Variants in FRMPD4 observed in about 807,000 individuals in gnomAD.
The protein encoded by FRMPD4 is FERM and PDZ domain containing 4.
FRMPD4 carries 22 observed loss-of-function variants against 94.1 expected under a neutral mutation model. That is an observed-to-expected ratio of 0.23 (90% CI 0.17 to 0.33). The LOEUF is 0.33. Ranked by LOEUF, FRMPD4 falls within the 10% of genes least tolerant of loss-of-function variation. The probability of loss-of-function intolerance (pLI) is 1.00; values close to 1 mark genes in which losing one functional copy is unlikely to be tolerated. For synonymous variants in FRMPD4, 631 were observed against 548.6 expected (o/e 1.15, Z -2.10); for missense variants, 1,111 against 1,339.9 (o/e 0.83, Z 2.67).
intron 2 of FRMPD4, among the ~76,000 whole-genome samples, chrX:12,591,761 T>A (rs1456449855): frequency 8.9e-6 from 1 of 111,775 alleles, no homozygotes; most frequent in Non-Finnish European, 1.9e-5. Flanking sequence ...ATCTACTGAT[T>A]ACTTACTCTG....
chrX:12,555,151 C>T (rs971308233), intron 2 of FRMPD4, among the ~76,000 whole-genome samples: 30 of 110,525 alleles, frequency 2.7e-4, no homozygotes, highest in African/African-American at 9.6e-4. Context: ...TCTGCTTGTC[C>T]TCTTAGTTTG....
At chrX:12,554,496 C>T (rs1422221734) in intron 2 of FRMPD4, among the ~76,000 whole-genome samples, 1 of 112,183 alleles carries the variant, frequency 8.9e-6, no homozygotes, top group Non-Finnish European at 1.9e-5. Context: ...TAAAATACCA[C>T]CTAGATTAAA....
chrX:12,025,013 C>T (rs1175228596), intron 3 of FRMPD4, among the ~76,000 whole-genome samples: 1 of 110,316 alleles, frequency 9.1e-6, no homozygotes, highest in Non-Finnish European at 1.9e-5. Context: ...TGCCTCTCTG[C>T]AACATTTGCC....
At chrX:12,564,315 G>T (rs758944339) in intron 2 of FRMPD4, among the ~76,000 whole-genome samples, 80 of 112,400 alleles carry the variant, frequency 7.1e-4, no homozygotes, top group Middle Eastern at 4.6e-3. Context: ...ACTGGAATAG[G>T]TATGCCGCTT....
intron 1 of FRMPD4, among the ~76,000 whole-genome samples, chrX:12,358,116 A>G (rs750505298): frequency 1.8e-4 from 20 of 112,077 alleles, no homozygotes; most frequent in Non-Finnish European, 3.2e-4. Flanking sequence ...GATATCCCAC[A>G]ATTTGTTGAT....
chrX:12,412,799 G>T (rs1172782288), intron 1 of FRMPD4, among the ~76,000 whole-genome samples: 1 of 112,156 alleles, frequency 8.9e-6, no homozygotes, highest in Admixed American at 9.4e-5. Context: ...TGATTTCTCA[G>T]TCTGAGCCTT....
chrX:12,715,018 C>T (rs779249311), intron 14 of FRMPD4, among the ~76,000 whole-genome samples: 1 of 112,225 alleles, frequency 8.9e-6, no homozygotes, highest in African/African-American at 3.2e-5. Context: ...ACTTTTTTCC[C>T]ATATGTCTTG....
chrX:12,720,878 G>C lies in FRMPD4; in HGVS notation c.4309G>C (p.Glu1437Gln). Reference sequence around the variant, plus strand: ...GTGTCCAGGCATCACAGAAGCACAGGAGGCCAGTTCTGAAAGGCGAGCAGA... The same window carrying C: ...GTGTCCAGGCATCACAGAAGCACAGCAGGCCAGTTCTGAAAGGCGAGCAGA... ...LKCPGITEAQ[E>Q]ASSERRAELP... Residue 1437 changes from glutamate (E) to glutamine (Q), a missense_variant, in exon 17 of 17, where the codon GAG (glutamate) becomes CAG (glutamine). Coordinates refer to ENST00000675598, the MANE Select transcript of FRMPD4 (RefSeq NM_001368397.1). The C allele has an allele frequency of 1.2e-6, 1 of 860,165 alleles. No individual in the cohort carries two copies. The highest frequency in any genetic ancestry group is 1.4e-6 in the Non-Finnish European group (1 of 705,463). 70.9% of individuals were successfully genotyped at this position (860,165 alleles called of 1,213,427 possible). A position where few individuals can be genotyped will look rare whatever the true frequency, so the allele number is the denominator to read the frequency against.
At chrX:12,715,998 G>GCCGGGGCC in intron 14 of FRMPD4, 71 bp from the exon 15 acceptor site, 3 of 383,858 alleles carry the variant, frequency 7.8e-6, no homozygotes, top group East Asian at 4.2e-5. Flanking sequence ...ACAGAGACGA[G>GCCGGGGCC]CCTCCCACCC....
intron 1 of FRMPD4, among the ~76,000 whole-genome samples, chrX:12,180,754 T>G (rs1025796745): frequency 3.6e-5 from 4 of 112,548 alleles, no homozygotes; most frequent in Admixed American, 9.4e-5. Context: ...AAACCTGACA[T>G]TGTAGCATGA....
chrX:12,424,964 T>TC (rs2056928656), intron 1 of FRMPD4, among the ~76,000 whole-genome samples: 1 of 112,409 alleles, frequency 8.9e-6, no homozygotes, highest in South Asian at 3.7e-4. Flanking sequence ...TAATTCAGTT[T>TC]TTTTTCCCCC....
intron 7 of FRMPD4, among the ~76,000 whole-genome samples, chrX:12,688,829 A>G (rs2060054388): frequency 1.0e-5 from 1 of 97,778 alleles, no homozygotes; most frequent in Non-Finnish European, 2.0e-5. Context: ...GGATGTGGGG[A>G]TCTTTGATTT....
intron 1 of FRMPD4, among the ~76,000 whole-genome samples, chrX:12,302,697 A>G (rs913221872): frequency 3.6e-5 from 4 of 112,013 alleles, no homozygotes; most frequent in African/African-American, 1.3e-4. Context: ...AAATGTGGCT[A>G]TTGCTCAAAG....
At chrX:12,052,845 C>T (rs966402118) in intron 3 of FRMPD4, among the ~76,000 whole-genome samples, 5 of 111,786 alleles carry the variant, frequency 4.5e-5, no homozygotes, top group Non-Finnish European at 9.4e-5. Context: ...CAACAATTTC[C>T]TAATATTATC....
intron 3 of FRMPD4, among the ~76,000 whole-genome samples, chrX:12,028,517 G>T (rs1057310445): frequency 1.8e-5 from 2 of 110,104 alleles, no homozygotes; most frequent in Non-Finnish European, 3.8e-5. Flanking sequence ...TTATATTAGG[G>T]TTCATTCTCG....
In FRMPD4 at chrX:12,138,911, C is replaced by G; in HGVS notation, c.-61C>G. On this transcript the variant is annotated 5_prime_UTR_variant, in exon 1 of 17. Transcript: ENST00000675598. The stretch of plus-strand genomic sequence containing the variant: ...CTTGGCCATGGGGCTGCGGAGGCTG[C>G]TGTTGCTGGCGTGAGAAGGGGCGAC... 1.0e-6 allele frequency: 1 copy of G among 988,416 alleles called. No homozygotes were observed. The highest frequency in any genetic ancestry group is 3.1e-5 in the Admixed American group (1 of 32,742). 81.5% of individuals were successfully genotyped at this position (988,416 alleles called of 1,213,427 possible).
chrX:12,403,014 GT>G (rs2056625990), intron 1 of FRMPD4, among the ~76,000 whole-genome samples: 1 of 112,412 alleles, frequency 8.9e-6, no homozygotes, highest in Non-Finnish European at 1.9e-5. Context: ...TGACCACCAT[GT>G]TTCTTCTGGA....
chrX:12,364,321 C>T (rs978523740), intron 1 of FRMPD4, among the ~76,000 whole-genome samples: 2 of 111,333 alleles, frequency 1.8e-5, no homozygotes, highest in East Asian at 5.7e-4. Flanking sequence ...GGTCAAGAGG[C>T]GGAAGGAGAA....
At chrX:12,368,752 G>A (rs891090115) in intron 1 of FRMPD4, among the ~76,000 whole-genome samples, 1 of 110,603 alleles carries the variant, frequency 9.0e-6, no homozygotes, top group Non-Finnish European at 1.9e-5. Flanking sequence ...GGCGGCGGGC[G>A]CCTGTAGTCC....
Sources: allele counts gnomAD v4.1 joint callset (sites outside exome capture counted in the v4.1 genomes callset), GRCh38; gene constraint gnomAD v4.1.1; transcripts MANE v1.5; gene names NCBI Gene and HGNC (gene_info 2026-07-23, HGNC 2026-07-21).